ZRANB3: variants seen among roughly 807,000 people sequenced by gnomAD.
ZRANB3 encodes the protein zinc finger RANBP2-type containing 3, also known as DNA annealing helicase and endonuclease ZRANB3.
Under a neutral mutation model 133.8 loss-of-function variants are expected in ZRANB3, and 125 were observed. The ratio of observed to expected loss-of-function variants is 0.93; its 90% CI spans 0.81 to 1.08. The LOEUF (loss-of-function observed/expected upper bound fraction) is 1.08, where lower values mean the gene tolerates loss of function less well. ZRANB3 is among the 50% of genes least tolerant of loss of function. ZRANB3 has a pLI of 0.00. For synonymous variants in ZRANB3, 387 were observed against 432.7 expected (o/e 0.89, Z 1.31); for missense variants, 1,229 against 1,275.5 (o/e 0.96, Z 0.56).
chr2:135,341,836 C>A (rs1684682227), intron 6 of ZRANB3, among the ~76,000 whole-genome samples: 1 of 150,004 alleles, frequency 6.7e-6, no homozygotes, highest in South Asian at 2.1e-4. Flanking sequence ...CCCAGGCTTA[C>A]TAGGATTAGG....
At chr2:135,209,466 G>T (rs1237175479) in intron 17 of ZRANB3, among the ~76,000 whole-genome samples, 1 of 152,124 alleles carries the variant, frequency 6.6e-6, no homozygotes, top group Admixed American at 6.6e-5. Flanking sequence ...AGTTAACCAG[G>T]TTCAATCACA....
intron 9 of ZRANB3, among the ~76,000 whole-genome samples, chr2:135,273,212 A>G (rs566949047): frequency 7.9e-5 from 12 of 151,926 alleles, no homozygotes; most frequent in African/African-American, 2.7e-4. Context: ...AAAAAGAAAA[A>G]AAGAAATCAT....
At chr2:135,208,677 C>CT (rs1156658202) in intron 18 of ZRANB3, among the ~76,000 whole-genome samples, 191 bp downstream of exon 18, 1 of 152,200 alleles carries the variant, frequency 6.6e-6, no homozygotes, top group East Asian at 1.9e-4. Context: ...TTCTTCATCT[C>CT]TAATGTTTAA....
At chr2:135,226,255 T>C (rs1028989361) in intron 14 of ZRANB3, among the ~76,000 whole-genome samples, 2 of 152,230 alleles carry the variant, frequency 1.3e-5, no homozygotes, top group Admixed American at 6.5e-5. Flanking sequence ...TTTGAGACTA[T>C]AGATGATGCA....
intron 2 of ZRANB3, among the ~76,000 whole-genome samples, chr2:135,488,200 T>C (rs2104802570): frequency 6.6e-6 from 1 of 152,282 alleles, no homozygotes; most frequent in Non-Finnish European, 1.5e-5. Flanking sequence ...AGGTTCACCA[T>C]CTTATATGAA....
intron 8 of ZRANB3, among the ~76,000 whole-genome samples, chr2:135,293,472 C>T (rs1165708736): frequency 3.3e-5 from 5 of 151,858 alleles, no homozygotes; most frequent in Admixed American, 6.6e-5. Context: ...CTGAAGTTGC[C>T]TATCAGCTTA....
At chr2:135,485,180 A>AGCATAACAT (rs1692048235) in intron 2 of ZRANB3, among the ~76,000 whole-genome samples, 1 of 115,328 alleles carries the variant, frequency 8.7e-6, no homozygotes, top group Admixed American at 7.8e-5. Context: ...AAACAAAACA[A>AGCATAACAT]AACAAAACAT....
chr2:135,403,213 G>A (rs566327196), intron 2 of ZRANB3, among the ~76,000 whole-genome samples: 3 of 152,256 alleles, frequency 2.0e-5, no homozygotes, highest in Non-Finnish European at 4.4e-5. Flanking sequence ...GTCAAACAAA[G>A]GGGTGACAGA....
At chr2:135,414,445 T>C (rs1574067436) in intron 2 of ZRANB3, among the ~76,000 whole-genome samples, 1 of 152,238 alleles carries the variant, frequency 6.6e-6, no homozygotes, top group African/African-American at 2.4e-5. Context: ...AGCATCCCGA[T>C]TCATAAAGCG....
intron 8 of ZRANB3, among the ~76,000 whole-genome samples, chr2:135,290,006 T>C (rs552189257): frequency 1.5e-4 from 23 of 152,366 alleles, no homozygotes; most frequent in African/African-American, 5.5e-4. Context: ...CTGATGAATA[T>C]AATGTATATT....
chr2:135,369,574 C>G (rs555219647), intron 3 of ZRANB3, among the ~76,000 whole-genome samples: 1 of 128,168 alleles, frequency 7.8e-6, no homozygotes, highest in East Asian at 2.0e-4. Context: ...GTCAATCTTA[C>G]ACTTGTTTTT....
At chr2:135,453,554 C>T (rs1226860086) in intron 2 of ZRANB3, among the ~76,000 whole-genome samples, 1 of 152,222 alleles carries the variant, frequency 6.6e-6, no homozygotes, top group African/African-American at 2.4e-5. Context: ...CCGCCAGATA[C>T]CCTAACTCAT....
At chr2:135,430,173 C>T (rs1449556179) in intron 2 of ZRANB3, among the ~76,000 whole-genome samples, 2 of 150,926 alleles carry the variant, frequency 1.3e-5, no homozygotes, top group African/African-American at 4.9e-5. Context: ...AAGACTCTGT[C>T]TCAAAAAAAA....
intron 2 of ZRANB3, among the ~76,000 whole-genome samples, chr2:135,428,426 CAAAA>C (rs34645774): frequency 5.3e-5 from 4 of 75,256 alleles, no homozygotes; most frequent in Non-Finnish European, 1.1e-4. Context: ...ACTTTGTTTC[CAAAA>C]AAAAAAAAAA....
rs1267715548 is a variant in ZRANB3 at position 135,207,763 on chromosome 2, G to T, written c.2680C>A (p.Pro894Thr). Residue 894 changes from proline (P) to threonine (T), a missense_variant, in exon 19 of 21, where the codon CCC (proline) becomes ACC (threonine). Physicochemically the swap from Pro to Thr is conservative, Grantham distance 38. Transcript: ENST00000264159. ...YTVQADLTVK[P>T]STSKGYLQAV... The stretch of plus-strand genomic sequence containing the variant: ...TGCAAATAGCCTTTGGATGTAGAGG[G>T]CTTCACAGTGAGATCTGCCTGGACT... 3.7e-6 allele frequency: 6 copies of T among 1,613,836 alleles called. No individual in the cohort carries two copies. The highest frequency in any genetic ancestry group is 1.3e-5 in the African/African-American group (1 of 74,924).
intron 2 of ZRANB3, among the ~76,000 whole-genome samples, chr2:135,465,811 C>T (rs148968785): frequency 6.6e-6 from 1 of 152,024 alleles, no homozygotes; most frequent in African/African-American, 2.4e-5. Flanking sequence ...AGAACTTAAA[C>T]AAATTTACAA....
At position 135,230,830 on chromosome 2, in the gene ZRANB3, C is replaced by A. The variant is rs7608121; in HGVS notation, c.1637G>T (p.Arg546Leu). 3.7e-6 allele frequency: 6 copies of A among 1,613,134 alleles called. No homozygotes were observed. In the East Asian group the frequency reaches 1.1e-4, roughly 30 times the overall value. The change falls in exon 13 of 21, where the codon CGG becomes CTG. Residue 546 changes from arginine (R) to leucine (L), a missense_variant. By Grantham distance (102) the Arg-to-Leu change is moderately radical. Transcript: ENST00000264159. The stretch of plus-strand genomic sequence containing the variant: ...TGATGACACTACAGTATTTTCCTCC[C>A]GGAATCTCTTTGATTCGTCACAGGA... Reference protein sequence around the residue: ...MTSCDESKRFREENTVVSSDP... With the variant: ...MTSCDESKRFLEENTVVSSDP...
chr2:135,408,940 C>T (rs571594237), intron 2 of ZRANB3, among the ~76,000 whole-genome samples: 5 of 151,730 alleles, frequency 3.3e-5, no homozygotes, highest in South Asian at 2.1e-4. Context: ...CTAACCTGCA[C>T]GTTGGCAGAT....
intron 2 of ZRANB3, among the ~76,000 whole-genome samples, chr2:135,460,987 T>G (rs1690739753): frequency 6.6e-6 from 1 of 152,204 alleles, no homozygotes. Context: ...TAGTAACTTT[T>G]TAGTAATCAA....
Sources: gnomAD v4.1 joint callset for allele counts (sites outside exome capture counted in the v4.1 genomes callset) on GRCh38, gnomAD v4.1.1 for gene constraint, MANE v1.5 for transcripts, NCBI Gene and HGNC (gene_info 2026-07-23, HGNC 2026-07-21) for gene names.